The following CFAP100 variants were observed in gnomAD, a reference collection of about 807,000 sequenced individuals.
The protein encoded by CFAP100 is cilia- and flagella-associated protein 100.
A neutral mutation model predicts 81.5 loss-of-function variants in CFAP100; 70 were observed. That is an observed-to-expected ratio of 0.86 (90% CI 0.71 to 1.05). The LOEUF (loss-of-function observed/expected upper bound fraction) is 1.05, where lower values mean the gene tolerates loss of function less well. Among genes scored for constraint, CFAP100 ranks in the 50% least tolerant of loss-of-function variants. The probability of loss-of-function intolerance (pLI) is 0.00; values close to 1 mark genes in which losing one functional copy is unlikely to be tolerated. For synonymous variants in CFAP100, 341 were observed against 314.8 expected (o/e 1.08, Z -0.88); for missense variants, 811 against 776.5 (o/e 1.04, Z -0.53).
At chr3:126,409,927 A>G (rs1482744083) in intron 3 of CFAP100, among the ~76,000 whole-genome samples, 1 of 152,186 alleles carries the variant, frequency 6.6e-6, no homozygotes, top group African/African-American at 2.4e-5. Flanking sequence ...CTGGCTGGGC[A>G]CAGTGGCTCA....
chr3:126,419,773 G>A lies in CFAP100; in HGVS notation c.868G>A (p.Glu290Lys), dbSNP rs754832306. 16 of 1,613,996 alleles carry A rather than the reference G, an allele frequency of 9.9e-6. No homozygotes were observed. Among genetic ancestry groups the A allele is most frequent in the Middle Eastern group, 1.7e-4 (1 of 6,042 alleles). Residue 290 changes from glutamate (E) to lysine (K), a missense_variant, in exon 9 of 17, where the codon GAG (glutamate) becomes AAG (lysine). Physicochemically the swap from Glu to Lys is moderately conservative, Grantham distance 56. Coordinates refer to ENST00000352312, the MANE Select transcript of CFAP100 (RefSeq NM_182628.3). Reference sequence around the variant, plus strand: ...TCTCAAAAAGGCCAAGGAGGTCTCCGAGGCTTCCAAAGAGAGCAGTGTTAA... The same window carrying A: ...TCTCAAAAAGGCCAAGGAGGTCTCCAAGGCTTCCAAAGAGAGCAGTGTTAA... ...SFLKKAKEVS[E>K]ASKESSVNST...
intron 1 of CFAP100, 96 bp from the exon 2 acceptor site, chr3:126,395,846 G>A (rs1311257463): frequency 4.7e-6 from 3 of 637,544 alleles, no homozygotes; most frequent in African/African-American, 1.8e-5. Flanking sequence ...CCCACAAGGT[G>A]AGCCCTCAGC....
At chr3:126,397,562 TA>T (rs1231918058) in intron 2 of CFAP100, among the ~76,000 whole-genome samples, 1 of 152,250 alleles carries the variant, frequency 6.6e-6, no homozygotes, top group Non-Finnish European at 1.5e-5. Context: ...TGGGGTACCC[TA>T]TGACCCTGTG....
chr3:126,407,088 G>A (rs1446289952), intron 2 of CFAP100, 84 bp from the exon 3 acceptor site: 3 of 905,600 alleles, frequency 3.3e-6, no homozygotes, highest in African/African-American at 3.3e-5. Context: ...GTGTGTCTGA[G>A]ACATTCCCCG....
rs1416339812 is a variant in CFAP100 at position 126,419,963 on chromosome 3, C to G, written c.914-17C>G. The G allele has an allele frequency of 2.5e-6, 4 of 1,612,922 alleles. No individual in the cohort carries two copies. Among genetic ancestry groups the G allele is most frequent in the South Asian group, 1.1e-5 (1 of 91,088 alleles). ...CTGCAGCTGAGGCCATCGGGGCCCC[C>G]CCTTTGCTTCCTGCAGGACCAGGGA... On this transcript the variant is annotated splice_polypyrimidine_tract_variant and intron_variant, in intron 9 of 16. Coordinates refer to ENST00000352312, the MANE Select transcript of CFAP100 (RefSeq NM_182628.3).
At position 126,420,163 on chromosome 3, in the gene CFAP100, C is replaced by A; in HGVS notation, c.1016C>A (p.Pro339Gln). ...CAGACGATGCGGCTGGGGCGGAGCC[C>A]GTCTTACCTGAGCAGCCCCCAGCAA... ...FLQTMRLGRSPSYLSSPQQGS... is the reference protein window; with the variant it reads ...FLQTMRLGRSQSYLSSPQQGS... The change falls in exon 11 of 17, where the codon CCG becomes CAG. Residue 339 changes from proline (P) to glutamine (Q), a missense_variant. Transcript: ENST00000352312. 2 of 1,612,760 alleles carry A rather than the reference C, an allele frequency of 1.2e-6. No individual in the cohort carries two copies.
intron 13 of CFAP100, among the ~76,000 whole-genome samples, chr3:126,428,993 C>T (rs1289853380): frequency 6.6e-6 from 1 of 151,188 alleles, no homozygotes; most frequent in African/African-American, 2.4e-5. Flanking sequence ...CCTGTAGTTC[C>T]AGCTACTTGG....
rs1459834950 is a variant in CFAP100, at chr3:126,417,334, G to A, written c.418+826G>A. Among the ~76,000 whole-genome samples, 3 of 152,306 alleles carry A rather than the reference G, an allele frequency of 2.0e-5. No homozygotes were observed. The East Asian group carries it at 5.8e-4, about 29-fold the overall frequency. On this transcript the variant is annotated intron_variant, in intron 5 of 16. Transcript: ENST00000352312. Reference sequence around the variant, plus strand: ...GTGAGCGGTGGAAATCTTAAGTACTGAATATGTATTAATATTCTACCAACC... The same window carrying A: ...GTGAGCGGTGGAAATCTTAAGTACTAAATATGTATTAATATTCTACCAACC...
intron 3 of CFAP100, 38 bp from the exon 4 acceptor site, chr3:126,414,047 G>A (rs764305525): frequency 6.7e-7 from 1 of 1,487,108 alleles, no homozygotes; most frequent in Admixed American, 1.7e-5. Flanking sequence ...GCCTGGAAGA[G>A]CTGGCTCCCC....
At chr3:126,417,416 G>A (rs1019077625) in intron 5 of CFAP100, among the ~76,000 whole-genome samples, 1 of 152,314 alleles carries the variant, frequency 6.6e-6, no homozygotes, top group Middle Eastern at 3.4e-3. Flanking sequence ...GAGTCCTGGC[G>A]CACAGGGGAT....
At chr3:126,407,135 A>T (rs991376404) in intron 2 of CFAP100, 37 bp from the exon 3 acceptor site, 1 of 1,444,002 alleles carries the variant, frequency 6.9e-7, no homozygotes, top group Non-Finnish European at 9.7e-7. Context: ...GGGCCAGGGG[A>T]GTCACTGCTG....
intron 5 of CFAP100, chr3:126,418,196 C>G (rs1001060374): frequency 2.0e-6 from 1 of 491,710 alleles, no homozygotes; most frequent in Non-Finnish European, 3.7e-6. Context: ...AGTGCTACAG[C>G]AAGAAAGGCG....
At chr3:126,430,300 C>T (rs1933160779) in intron 13 of CFAP100, among the ~76,000 whole-genome samples, 1 of 152,120 alleles carries the variant, frequency 6.6e-6, no homozygotes, top group Non-Finnish European at 1.5e-5. Context: ...GTGTTTGATA[C>T]ATTAGTGGCA....
intron 13 of CFAP100, among the ~76,000 whole-genome samples, chr3:126,429,748 A>G (rs1289219873): frequency 3.3e-5 from 5 of 151,812 alleles, no homozygotes; most frequent in African/African-American, 2.4e-5. Flanking sequence ...TTGTGATGTT[A>G]CATTTACCAG....
chr3:126,400,414 T>G (rs1190228302), intron 2 of CFAP100, among the ~76,000 whole-genome samples: 4 of 152,106 alleles, frequency 2.6e-5, no homozygotes, highest in Non-Finnish European at 5.9e-5. Flanking sequence ...ATGAAACCCT[T>G]TTACATTGTT....
intron 4 of CFAP100, among the ~76,000 whole-genome samples, chr3:126,414,979 T>A (rs1248874374): frequency 5.3e-5 from 8 of 152,132 alleles, no homozygotes; most frequent in Admixed American, 5.2e-4. Context: ...TGCACAGGCT[T>A]CAGCCCTGCC....
At chr3:126,401,397 T>TTTTTTATA (rs869308239) in intron 2 of CFAP100, among the ~76,000 whole-genome samples, 5 of 76,188 alleles carry the variant, frequency 6.6e-5, no homozygotes, top group Admixed American at 1.3e-4. Context: ...AAATCGTATT[T>TTTTTTATA]TATATATATA....
chr3:126,395,581 G>C (rs968462156), intron 1 of CFAP100, among the ~76,000 whole-genome samples: 1 of 152,182 alleles, frequency 6.6e-6, no homozygotes, highest in Non-Finnish European at 1.5e-5. Flanking sequence ...GGGGTGGGGA[G>C]GAAGAAACCA....
intron 13 of CFAP100, among the ~76,000 whole-genome samples, chr3:126,424,823 T>TCC (rs1474457548): frequency 1.5e-4 from 23 of 152,188 alleles, no homozygotes; most frequent in Non-Finnish European, 2.9e-4. Context: ...AGAGAAGGCT[T>TCC]CCAGGAGGTG....
Sources: gnomAD v4.1 joint callset for allele counts (sites outside exome capture counted in the v4.1 genomes callset) on GRCh38, gnomAD v4.1.1 for gene constraint, MANE v1.5 for transcripts, NCBI Gene and HGNC (gene_info 2026-07-23, HGNC 2026-07-21) for gene names.